Variants in CSMD1 observed in about 807,000 individuals in gnomAD.
CSMD1 encodes CUB and sushi domain-containing protein 1.
Under a neutral mutation model 417.5 loss-of-function variants are expected in CSMD1, and 213 were observed. That is an observed-to-expected ratio of 0.51 (90% CI 0.46 to 0.57). The LOEUF (loss-of-function observed/expected upper bound fraction) is 0.57, where lower values mean the gene tolerates loss of function less well. CSMD1 is among the 20% of genes least tolerant of loss of function. The pLI is 0.00. For missense variants in CSMD1, 6,923 were observed against 4,529.7 expected (o/e 1.53, Z -15.17); for synonymous variants, 2,862 against 1,736.8 (o/e 1.65, Z -16.11).
At chr8:3,185,204 G>C (rs554142179) in intron 36 of CSMD1, among the ~76,000 whole-genome samples, 2 of 152,318 alleles carry the variant, frequency 1.3e-5, no homozygotes, top group African/African-American at 4.8e-5. Context: ...CACGAACTCC[G>C]TGCTAACTCC....
intron 21 of CSMD1, among the ~76,000 whole-genome samples, chr8:3,354,336 G>A (rs7818890): frequency 0.17 from 26,345 of 151,972 alleles, 2,263 homozygotes; most frequent in Middle Eastern, 0.25. Context: ...TTAAAATGTA[G>A]AAATTGTTGT....
intron 10 of CSMD1, among the ~76,000 whole-genome samples, chr8:3,507,348 G>C (rs535112128): frequency 6.6e-6 from 1 of 152,032 alleles, no homozygotes; most frequent in African/African-American, 2.4e-5. Flanking sequence ...CATTTTTTAT[G>C]GCAGCACAGT....
chr8:4,180,344 G>C lies in CSMD1; in HGVS notation c.416-148245C>G, dbSNP rs1350350990. Among the ~76,000 whole-genome samples, 4 of 148,698 alleles carry C rather than the reference G, an allele frequency of 2.7e-5. No individual in the cohort carries two copies. The South Asian group carries it at 8.5e-4, about 31-fold the overall frequency. On this transcript the variant is annotated intron_variant, in intron 3 of 69. Coordinates refer to ENST00000635120, the MANE Select transcript of CSMD1 (RefSeq NM_033225.6). ...TTGCAAGGACAAAAAACCAAACAAT[G>C]CATGTTCTCACTCATACATGGGAAT...
chr8:4,066,206 TG>T (rs1799237757), intron 3 of CSMD1, among the ~76,000 whole-genome samples: 3 of 152,246 alleles, frequency 2.0e-5, no homozygotes, highest in Admixed American at 2.0e-4. Context: ...CTGTTTCAAC[TG>T]CCAGTCATGG....
At chr8:4,230,919 T>C (rs1227061358) in intron 3 of CSMD1, among the ~76,000 whole-genome samples, 1 of 152,118 alleles carries the variant, frequency 6.6e-6, no homozygotes, top group Non-Finnish European at 1.5e-5. Context: ...GCTGTGATTT[T>C]TTAATCTCCT....
At chr8:4,210,839 T>A (rs1800263295) in intron 3 of CSMD1, among the ~76,000 whole-genome samples, 1 of 152,146 alleles carries the variant, frequency 6.6e-6, no homozygotes, top group South Asian at 2.1e-4. Flanking sequence ...ATCATGTATC[T>A]CGGGAAAGAA....
At chr8:4,138,501 G>T (rs1007875127) in intron 3 of CSMD1, among the ~76,000 whole-genome samples, 3 of 152,002 alleles carry the variant, frequency 2.0e-5, no homozygotes, top group Non-Finnish European at 4.4e-5. Flanking sequence ...CACTAAAAAT[G>T]TACAAAATCT....
rs200929585 is a variant in CSMD1 at position 3,409,518 on chromosome 8, G to C, written c.1649C>G (p.Thr550Ser). 4 of 1,611,260 alleles carry C rather than the reference G, an allele frequency of 2.5e-6. No homozygotes were observed. In the Admixed American group the frequency reaches 6.7e-5, roughly 27 times the overall value. The change falls in exon 13 of 70, where the codon ACC (threonine) becomes AGC (serine). Residue 550 changes from threonine (T) to serine (S), a missense_variant. Thr to Ser is a moderately conservative substitution (Grantham distance 58). Transcript: ENST00000635120. ...GSSFLHGDTL[T>S]FECPAAFELV... ...CTCAAAGGCCGCCGGGCATTCAAAG[G>C]TGAGTGTATCTCCATGGAGGAAACT...
At chr8:2,991,959 A>G (rs1806424323) in intron 54 of CSMD1, among the ~76,000 whole-genome samples, 1 of 152,250 alleles carries the variant, frequency 6.6e-6, no homozygotes, top group African/African-American at 2.4e-5. Context: ...TGTCAAGTAC[A>G]GATGCTTAAA....
intron 1 of CSMD1, among the ~76,000 whole-genome samples, chr8:4,930,569 G>T (rs2117187815): frequency 6.6e-6 from 1 of 152,284 alleles, no homozygotes; most frequent in East Asian, 1.9e-4. Flanking sequence ...TCTAGTTTAA[G>T]ATCCCCTGCT....
intron 1 of CSMD1, among the ~76,000 whole-genome samples, chr8:4,670,869 T>C (rs763903326): frequency 2.0e-5 from 3 of 152,226 alleles, no homozygotes; most frequent in Non-Finnish European, 4.4e-5. Flanking sequence ...GGTGGTGGCA[T>C]GTTTTGATGG....
intron 1 of CSMD1, among the ~76,000 whole-genome samples, chr8:4,814,150 G>A (rs987681844): frequency 9.9e-5 from 15 of 152,190 alleles, no homozygotes; most frequent in African/African-American, 2.9e-4. Flanking sequence ...AACGAATTCC[G>A]TGAAAACTGC....
At chr8:3,336,010 C>T (rs1223829652) in intron 23 of CSMD1, among the ~76,000 whole-genome samples, 1 of 152,064 alleles carries the variant, frequency 6.6e-6, no homozygotes, top group Non-Finnish European at 1.5e-5. Flanking sequence ...ATCCTTAAGC[C>T]TAGAAAACAT....
intron 3 of CSMD1, among the ~76,000 whole-genome samples, chr8:4,164,948 T>C (rs1026131869): frequency 2.6e-4 from 40 of 152,030 alleles, no homozygotes; most frequent in African/African-American, 9.4e-4. Context: ...GACTTCATTA[T>C]CTGTTTCAAC....
chr8:3,251,562 C>T lies in CSMD1; in HGVS notation c.4154-21331G>A, dbSNP rs562400558. Reference sequence around the variant, plus strand: ...GGCGATGCGGGCTCTTTTTTGGTTCCATATGAACTTTAAAGTAGTTTTTTC... The same window carrying T: ...GGCGATGCGGGCTCTTTTTTGGTTCTATATGAACTTTAAAGTAGTTTTTTC... On this transcript the variant is annotated intron_variant, in intron 26 of 69. Transcript: ENST00000635120. Among the ~76,000 whole-genome samples the T allele has an allele frequency of 3.3e-5, 5 of 152,210 alleles. No homozygotes were observed. The South Asian group carries it at 1.0e-3, about 32-fold the overall frequency.
intron 3 of CSMD1, among the ~76,000 whole-genome samples, chr8:4,210,517 T>G (rs1405583258): frequency 2.0e-5 from 3 of 152,224 alleles, no homozygotes; most frequent in Non-Finnish European, 4.4e-5. Context: ...TATATCTTAG[T>G]GTGAAATTGG....
chr8:4,886,244 C>A (rs990836433), intron 1 of CSMD1, among the ~76,000 whole-genome samples: 6 of 152,052 alleles, frequency 3.9e-5, no homozygotes, highest in African/African-American at 1.2e-4. Flanking sequence ...ACTGCCTCGG[C>A]CTCTCAAAAT....
intron 41 of CSMD1, among the ~76,000 whole-genome samples, chr8:3,121,186 T>C (rs1484886010): frequency 6.6e-6 from 1 of 152,224 alleles, no homozygotes; most frequent in Non-Finnish European, 1.5e-5. Context: ...TATTTATTTA[T>C]ATTTTCAGTA....
chr8:4,959,036 G>A (rs1417711819), intron 1 of CSMD1, among the ~76,000 whole-genome samples: 1 of 152,148 alleles, frequency 6.6e-6, no homozygotes, highest in African/African-American at 2.4e-5. Context: ...ATCAAGCCAT[G>A]CTATATAGTA....
Sources: gnomAD v4.1 joint callset for allele counts (sites outside exome capture counted in the v4.1 genomes callset) on GRCh38, gnomAD v4.1.1 for gene constraint, MANE v1.5 for transcripts, NCBI Gene and HGNC (gene_info 2026-07-23, HGNC 2026-07-21) for gene names.